ARB2A: variants seen among roughly 807,000 people sequenced by gnomAD.
ARB2A encodes the protein cotranscriptional regulator ARB2A.
the ARB2A span, among the ~76,000 whole-genome samples, chr5:93,678,366 A>G: frequency 6.6e-6 from 1 of 152,236 alleles, no homozygotes; most frequent in Non-Finnish European, 1.5e-5. Flanking sequence ...AAATAGCAGG[A>G]CACCTAAGGA....
the ARB2A span, among the ~76,000 whole-genome samples, chr5:94,049,870 GT>G: frequency 1.3e-5 from 2 of 152,078 alleles, no homozygotes; most frequent in African/African-American, 4.8e-5. Flanking sequence ...GCATAAATTT[GT>G]TTTCTTATGT....
chr5:93,965,202 CAG>C, the ARB2A span, among the ~76,000 whole-genome samples: 6 of 151,872 alleles, frequency 4.0e-5, no homozygotes, highest in Non-Finnish European at 5.9e-5. Flanking sequence ...AACAGTGGGT[CAG>C]AGAGATGCAA....
chr5:93,618,949 A>G, the ARB2A span: 1 of 152,248 alleles, frequency 6.6e-6, no homozygotes, highest in African/African-American at 2.4e-5. Context: ...TCGCCAATTT[A>G]GCATTGCACA....
the ARB2A span, among the ~76,000 whole-genome samples, chr5:94,001,172 T>A: frequency 1.3e-5 from 2 of 152,136 alleles, no homozygotes; most frequent in Non-Finnish European, 2.9e-5. Flanking sequence ...AGTTTATTAA[T>A]ATCCACAAAA....
At chr5:93,917,526 G>C in the ARB2A span, among the ~76,000 whole-genome samples, 455 of 152,100 alleles carry the variant, frequency 3.0e-3, 3 homozygotes, top group African/African-American at 0.01. Flanking sequence ...TGATTGTTAT[G>C]TATACTCTGT....
chr5:94,018,342 T>A, the ARB2A span, among the ~76,000 whole-genome samples: 11 of 152,174 alleles, frequency 7.2e-5, no homozygotes, highest in Non-Finnish European at 1.0e-4. Context: ...AGCCACTATT[T>A]CCCTTCATCT....
the ARB2A span, among the ~76,000 whole-genome samples, chr5:93,995,935 T>C: frequency 1.1e-4 from 16 of 152,288 alleles, no homozygotes; most frequent in Admixed American, 2.6e-4. Flanking sequence ...TATGTAGTTA[T>C]CTGGAGAGGA....
chr5:94,104,659 G>A, the ARB2A span, among the ~76,000 whole-genome samples: 2 of 151,968 alleles, frequency 1.3e-5, no homozygotes, highest in Non-Finnish European at 2.9e-5. Flanking sequence ...TATGAAGCTA[G>A]CATCATTCTG....
At chr5:93,898,565 G>A in the ARB2A span, among the ~76,000 whole-genome samples, 1 of 151,970 alleles carries the variant, frequency 6.6e-6, no homozygotes, top group African/African-American at 2.4e-5. Flanking sequence ...GAGTGAAAAC[G>A]ACCAATTGTC....
chr5:93,743,895 T>A, the ARB2A span, among the ~76,000 whole-genome samples: 1 of 152,204 alleles, frequency 6.6e-6, no homozygotes, highest in East Asian at 1.9e-4. Context: ...CTCGATCTCC[T>A]GACCTTGTGA....
chr5:93,900,346 C>T, the ARB2A span, among the ~76,000 whole-genome samples: 1 of 152,096 alleles, frequency 6.6e-6, no homozygotes, highest in Non-Finnish European at 1.5e-5. Flanking sequence ...GGAGGGGTGG[C>T]TCACGCCTGT....
chr5:93,912,427 A>G, the ARB2A span, among the ~76,000 whole-genome samples: 1 of 151,772 alleles, frequency 6.6e-6, no homozygotes, highest in Non-Finnish European at 1.5e-5. Flanking sequence ...GTCTGATTCA[A>G]CGTGTCCATT....
chr5:94,062,388 A>C, the ARB2A span, among the ~76,000 whole-genome samples: 2 of 152,112 alleles, frequency 1.3e-5, no homozygotes, highest in Non-Finnish European at 2.9e-5. Context: ...AAGATAGAAC[A>C]CTCTAATTTA....
the ARB2A span, among the ~76,000 whole-genome samples, chr5:94,008,179 T>C: frequency 6.6e-6 from 1 of 152,166 alleles, no homozygotes; most frequent in Non-Finnish European, 1.5e-5. Flanking sequence ...GAGGCTGTAA[T>C]TGCTATAAAG....
At chr5:94,044,301 T>C in the ARB2A span, among the ~76,000 whole-genome samples, 1 of 152,206 alleles carries the variant, frequency 6.6e-6, no homozygotes, top group South Asian at 2.1e-4. Flanking sequence ...GTACTCTTTG[T>C]GTAGGAATGC....
At chr5:93,908,597 G>A in the ARB2A span, among the ~76,000 whole-genome samples, 2 of 150,642 alleles carry the variant, frequency 1.3e-5, no homozygotes, top group Admixed American at 6.6e-5. Flanking sequence ...ATATTGCTTT[G>A]AGGTACTGTC....
the ARB2A span, among the ~76,000 whole-genome samples, chr5:93,766,432 GA>G: frequency 2.0e-5 from 3 of 152,102 alleles, no homozygotes; most frequent in African/African-American, 7.2e-5. Flanking sequence ...AAAGACACAT[GA>G]AAAAATGCTC....
At chr5:93,805,493 G>A in the ARB2A span, 1 of 984,960 alleles carries the variant, frequency 1.0e-6, no homozygotes. Context: ...GTCTGGAGAA[G>A]GTGTTCTTCC....
At chr5:93,805,843 A>G in the ARB2A span, 16 of 985,144 alleles carry the variant, frequency 1.6e-5, no homozygotes, top group Non-Finnish European at 1.9e-5. Context: ...TGTTGGTTGT[A>G]TACAGTCAAT....
Sources: allele counts gnomAD v4.1 joint callset (sites outside exome capture counted in the v4.1 genomes callset), GRCh38; gene constraint gnomAD v4.1.1; transcripts MANE v1.5; gene names NCBI Gene and HGNC (gene_info 2026-07-23, HGNC 2026-07-21).